Variants in FBXO34 observed in about 807,000 individuals in gnomAD.
FBXO34 encodes F-box only protein 34.
In FBXO34, 12 loss-of-function variants were observed where a neutral mutation model predicts 24.5. The ratio of observed to expected loss-of-function variants is 0.49; its 90% CI spans 0.31 to 0.79. The LOEUF is 0.79. Among genes scored for constraint, FBXO34 ranks in the 30% least tolerant of loss-of-function variants. The pLI, the probability that FBXO34 is intolerant of heterozygous loss-of-function variation, is 0.04. For synonymous variants in FBXO34, 320 were observed against 311.9 expected (o/e 1.03, Z -0.27); for missense variants, 823 against 857.7 (o/e 0.96, Z 0.51).
At chr14:55,404,593 T>TAA in the FBXO34 span, among the ~76,000 whole-genome samples, 18 of 152,192 alleles carry the variant, frequency 1.2e-4, no homozygotes, top group Non-Finnish European at 2.5e-4. Context: ...ATGACAGGCC[T>TAA]TGAAAATATC....
chr14:55,299,042 T>C, intron 1 of FBXO34: 2 of 1,602,058 alleles, frequency 1.2e-6, no homozygotes, highest in Non-Finnish European at 1.7e-6. Context: ...GGGAGGAGAT[T>C]TCAACAGCAA....
At chr14:55,349,943 T>A (rs1215908614) in intron 1 of FBXO34, among the ~76,000 whole-genome samples, 1 of 152,126 alleles carries the variant, frequency 6.6e-6, no homozygotes, top group African/African-American at 2.4e-5. Context: ...TTGCAACTAA[T>A]AAAATGCGAA....
intron 1 of FBXO34, among the ~76,000 whole-genome samples, chr14:55,279,542 C>A (rs1881463068): frequency 6.6e-6 from 1 of 152,160 alleles, no homozygotes; most frequent in African/African-American, 2.4e-5. Context: ...TTGTTTTTCT[C>A]AGTTTAACGA....
intron 1 of FBXO34, among the ~76,000 whole-genome samples, chr14:55,300,229 T>A (rs1345104953): frequency 6.6e-6 from 1 of 152,236 alleles, no homozygotes; most frequent in Non-Finnish European, 1.5e-5. Flanking sequence ...TAACCCTTTA[T>A]AGGTCCATTT....
At chr14:55,285,243 C>T (rs1312354806) in intron 1 of FBXO34, 1 of 150,050 alleles carries the variant, frequency 6.7e-6, no homozygotes, top group Non-Finnish European at 1.5e-5. Flanking sequence ...CGTGGTGGCG[C>T]ATTCCTGGAA....
the FBXO34 span, among the ~76,000 whole-genome samples, chr14:55,430,578 T>C: frequency 2.0e-5 from 3 of 152,056 alleles, no homozygotes; most frequent in East Asian, 3.9e-4. Flanking sequence ...TAAATTTTTA[T>C]AGAGACAGGG....
the FBXO34 span, chr14:55,411,891 A>AGGGGCCTGGGGAAG: frequency 4.2e-6 from 6 of 1,413,274 alleles, no homozygotes; most frequent in Non-Finnish European, 2.9e-6. Flanking sequence ...GGCCAGGAGG[A>AGGGGCCTGGGGAAG]GGGGCCTGGG....
chr14:55,417,680 T>C, the FBXO34 span, among the ~76,000 whole-genome samples: 3 of 152,168 alleles, frequency 2.0e-5, no homozygotes, highest in East Asian at 5.8e-4. Flanking sequence ...CAGGCTGGTC[T>C]CAAACTCTTC....
rs923939204 is a variant in FBXO34, at chr14:55,353,549, C to G, written c.*1023C>G. Reference sequence around the variant, plus strand: ...AGTTAGATAATAACATTCTTGTCTACTTTATCCTGTCTGGTTACAAAATTT... The same window carrying G: ...AGTTAGATAATAACATTCTTGTCTAGTTTATCCTGTCTGGTTACAAAATTT... On this transcript the variant is annotated 3_prime_UTR_variant, in exon 2 of 2. Coordinates refer to ENST00000313833, the MANE Select transcript of FBXO34 (RefSeq NM_017943.4). 7 of 167,020 alleles carry G rather than the reference C, an allele frequency of 4.2e-5. No individual in the cohort carries two copies. The highest frequency in any genetic ancestry group is 1.0e-4 in the Non-Finnish European group (7 of 68,108). The allele number at this position is 167,020 out of a possible 1,614,324, so 10.3% of individuals were successfully genotyped here.
chr14:55,360,103 C>T (rs959628197), intron 3 of FBXO34, among the ~76,000 whole-genome samples: 3 of 151,740 alleles, frequency 2.0e-5, no homozygotes, highest in African/African-American at 4.8e-5. Flanking sequence ...GTTGGAGTCT[C>T]GCTCTGTCTC....
chr14:55,333,293 T>TAA (rs1883662047), intron 1 of FBXO34, among the ~76,000 whole-genome samples: 1 of 152,246 alleles, frequency 6.6e-6, no homozygotes, highest in African/African-American at 2.4e-5. Context: ...TTCTGACTAT[T>TAA]ACCACATTCC....
chr14:55,312,518 C>A (rs148610335), intron 1 of FBXO34, among the ~76,000 whole-genome samples: 1 of 152,180 alleles, frequency 6.6e-6, no homozygotes, highest in South Asian at 2.1e-4. Flanking sequence ...ATTTCCCTTC[C>A]GCACTGCCCT....
At chr14:55,287,262 T>C (rs1239642595) in intron 1 of FBXO34, among the ~76,000 whole-genome samples, 1 of 152,062 alleles carries the variant, frequency 6.6e-6, no homozygotes, top group Admixed American at 6.5e-5. Flanking sequence ...TTTTAAATAA[T>C]TTTGTTCAGG....
At chr14:55,388,815 C>T in the FBXO34 span, among the ~76,000 whole-genome samples, 1 of 152,174 alleles carries the variant, frequency 6.6e-6, no homozygotes, top group Non-Finnish European at 1.5e-5. Flanking sequence ...CAGCAGTTCC[C>T]AACCCTGGCA....
chr14:55,370,042 A>G (rs1350947259), downstream of FBXO34: 9 of 961,438 alleles, frequency 9.4e-6, no homozygotes, highest in Non-Finnish European at 1.4e-5. Flanking sequence ...CACCCCATTC[A>G]TTCCCCAAGT....
chr14:55,338,745 A>G (rs1027915522), intron 1 of FBXO34, among the ~76,000 whole-genome samples: 1 of 151,928 alleles, frequency 6.6e-6, no homozygotes, highest in Non-Finnish European at 1.5e-5. Flanking sequence ...CATCTACTAA[A>G]AATACAAAAA....
At chr14:55,316,688 C>G (rs2140012258) in intron 1 of FBXO34, among the ~76,000 whole-genome samples, 1 of 148,984 alleles carries the variant, frequency 6.7e-6, no homozygotes, top group East Asian at 2.0e-4. Flanking sequence ...GATCATGCCA[C>G]TGCACTACAG....
At chr14:55,322,031 G>A (rs985653160) in intron 1 of FBXO34, among the ~76,000 whole-genome samples, 2 of 152,116 alleles carry the variant, frequency 1.3e-5, no homozygotes, top group African/African-American at 2.4e-5. Context: ...TATTATATAA[G>A]ACATCTTTCA....
At chr14:55,440,310 G>C in the FBXO34 span, 1 of 1,527,212 alleles carries the variant, frequency 6.5e-7, no homozygotes, top group Non-Finnish European at 8.9e-7. Context: ...GTCGCTATGA[G>C]TTTTAAGAGG....
Sources: allele counts gnomAD v4.1 joint callset (sites outside exome capture counted in the v4.1 genomes callset), GRCh38; gene constraint gnomAD v4.1.1; transcripts MANE v1.5; gene names NCBI Gene and HGNC (gene_info 2026-07-23, HGNC 2026-07-21).